The following LRRC37A2 variants were observed in gnomAD, a reference collection of about 807,000 sequenced individuals.
LRRC37A2 encodes the protein leucine rich repeat containing 37 member A2.
A neutral mutation model predicts 68.8 loss-of-function variants in LRRC37A2; 9 were observed. The ratio of observed to expected loss-of-function variants is 0.13; its 90% confidence interval spans 0.08 to 0.23. The LOEUF (loss-of-function observed/expected upper bound fraction) is 0.23, where lower values mean the gene tolerates loss of function less well. Ranked by LOEUF, LRRC37A2 falls within the 10% of genes least tolerant of loss-of-function variation. The pLI is 1.00. For synonymous variants in LRRC37A2, 63 were observed against 367.6 expected (o/e 0.17, Z 9.48); for missense variants, 168 against 950.4 (o/e 0.18, Z 10.82).
At chr17:46,595,525 C>G in the LRRC37A2 span, among the ~76,000 whole-genome samples, 1 of 125,652 alleles carries the variant, frequency 8.0e-6, no homozygotes, top group African/African-American at 4.1e-5. Flanking sequence ...GAGTCTTGCT[C>G]CGTCACCCAG....
At chr17:46,829,679 C>A in the LRRC37A2 span, among the ~76,000 whole-genome samples, 3 of 151,900 alleles carry the variant, frequency 2.0e-5, no homozygotes, top group Admixed American at 2.0e-4. Context: ...TGCCTGGGGA[C>A]ACTGGGACTC....
the LRRC37A2 span, among the ~76,000 whole-genome samples, chr17:46,934,651 G>A: frequency 0.056 from 8,567 of 152,308 alleles, 561 homozygotes; most frequent in African/African-American, 0.16. Context: ...TTAAGGGGAA[G>A]CCATGGAAAG....
the LRRC37A2 span, among the ~76,000 whole-genome samples, chr17:46,928,321 T>C: frequency 2.6e-5 from 4 of 152,048 alleles, no homozygotes; most frequent in African/African-American, 9.7e-5. Context: ...CTGGCTGGCA[T>C]TGGTAGATTT....
the LRRC37A2 span, among the ~76,000 whole-genome samples, chr17:46,862,400 A>G: frequency 6.6e-6 from 1 of 152,180 alleles, no homozygotes; most frequent in East Asian, 1.9e-4. Flanking sequence ...AACAAAGCCC[A>G]TAATATTCTC....
At chr17:46,713,862 A>T in the LRRC37A2 span, 2 of 1,611,196 alleles carry the variant, frequency 1.2e-6, no homozygotes, top group Non-Finnish European at 1.7e-6. Context: ...GGCCCTCCTC[A>T]CAGTGGGAAG....
chr17:46,851,731 G>A, the LRRC37A2 span: 1 of 1,248,748 alleles, frequency 8.0e-7, no homozygotes, highest in Non-Finnish European at 1.0e-6. The surrounding 1 kb of genome is among the most constrained non-coding windows in gnomAD (Gnocchi z 4.3). Context: ...TGCCCGCCGC[G>A]CCCCCCGCCC....
At chr17:46,495,384 G>GTT in the LRRC37A2 span, among the ~76,000 whole-genome samples, 1 of 149,644 alleles carries the variant, frequency 6.7e-6, no homozygotes, top group Non-Finnish European at 1.5e-5. Context: ...GCGTTTTTTT[G>GTT]TTTTTGTTTT....
the LRRC37A2 span, among the ~76,000 whole-genome samples, chr17:47,000,083 AAATAAAATAAAATAAAATAAAATAAAAT>A: frequency 1.3e-5 from 1 of 77,088 alleles, no homozygotes; most frequent in Non-Finnish European, 2.4e-5. Context: ...ATAAAAAATA[AAATAAAATAAAATAAAATAAAATAAAAT>A]AAAATAAAAT....
the LRRC37A2 span, chr17:46,876,494 A>C: frequency 6.2e-6 from 10 of 1,613,626 alleles, no homozygotes; most frequent in Non-Finnish European, 8.5e-6. Flanking sequence ...CCTGGTGTAC[A>C]TGGAGGACTC....
At chr17:46,876,740 T>C in the LRRC37A2 span, 3 of 1,520,326 alleles carry the variant, frequency 2.0e-6, no homozygotes, top group Non-Finnish European at 2.7e-6. Flanking sequence ...AGCAAGCCAG[T>C]CTGGCACTGC....
the LRRC37A2 span, chr17:46,875,182 G>A: frequency 3.3e-5 from 54 of 1,613,938 alleles, no homozygotes; most frequent in South Asian, 5.5e-5. Context: ...AGCGCTGGGC[G>A]CATGGAGCGC....
chr17:46,760,936 G>C, the LRRC37A2 span, among the ~76,000 whole-genome samples: 1 of 152,146 alleles, frequency 6.6e-6, no homozygotes, highest in African/African-American at 2.4e-5. Context: ...TTCGTGTTTA[G>C]ACTTGGGTCC....
chr17:46,496,656 T>C, the LRRC37A2 span, among the ~76,000 whole-genome samples: 1 of 127,078 alleles, frequency 7.9e-6, no homozygotes, highest in Admixed American at 7.9e-5. Flanking sequence ...GGCTCATGCC[T>C]GTAAACCCAG....
the LRRC37A2 span, among the ~76,000 whole-genome samples, chr17:46,418,215 T>G: frequency 4.4e-3 from 275 of 62,566 alleles, 21 homozygotes; most frequent in Middle Eastern, 0.028. Context: ...GTGTGTGTGT[T>G]TGTGTGTGTG....
At chr17:46,966,168 A>G in the LRRC37A2 span, among the ~76,000 whole-genome samples, 1 of 152,246 alleles carries the variant, frequency 6.6e-6, no homozygotes, top group African/African-American at 2.4e-5. Context: ...ACCACAGAGT[A>G]AGAAGTGCTC....
At chr17:46,950,306 T>G in the LRRC37A2 span, among the ~76,000 whole-genome samples, 1 of 151,474 alleles carries the variant, frequency 6.6e-6, no homozygotes, top group Non-Finnish European at 1.5e-5. Context: ...CTCTTGTAGG[T>G]GAGGAGGAGG....
At chr17:46,544,046 G>A (rs1310901510) in intron 8 of LRRC37A2, among the ~76,000 whole-genome samples, 1 of 129,450 alleles carries the variant, frequency 7.7e-6, no homozygotes, top group African/African-American at 3.7e-5. Flanking sequence ...GAGCACAGGA[G>A]ACAGAGGCTG....
chr17:46,927,490 T>G, the LRRC37A2 span, among the ~76,000 whole-genome samples: 1 of 152,342 alleles, frequency 6.6e-6, no homozygotes, highest in African/African-American at 2.4e-5. Context: ...TATGCACACC[T>G]GTATTTTCTT....
At chr17:46,919,933 C>T in the LRRC37A2 span, among the ~76,000 whole-genome samples, 4 of 151,812 alleles carry the variant, frequency 2.6e-5, no homozygotes, top group South Asian at 2.1e-4. Context: ...AGCAACAGAG[C>T]GAGACTCCAT....
Sources: gnomAD v4.1 joint callset for allele counts (sites outside exome capture counted in the v4.1 genomes callset) on GRCh38, gnomAD v4.1.1 for gene constraint, Gnocchi (gnomAD v3.1) non-coding constraint, MANE v1.5 for transcripts, NCBI Gene and HGNC (gene_info 2026-07-23, HGNC 2026-07-21) for gene names.